Variants in MRGPRE observed in about 807,000 individuals in gnomAD.
MRGPRE encodes MAS related GPR family member E.
For synonymous variants in MRGPRE, 229 were observed against 206.7 expected (o/e 1.11, Z -0.92); for missense variants, 466 against 433.4 (o/e 1.08, Z -0.67).
At position 3,227,379 on chromosome 11, in the gene MRGPRE, C is replaced by A. The variant is rs141151609; in HGVS notation, c.*482G>T. Among the ~76,000 whole-genome samples, 192 of 152,260 alleles carry A rather than the reference C, an allele frequency of 1.3e-3. No homozygotes were observed. Among genetic ancestry groups the A allele is most frequent in the African/African-American group, 4.4e-3 (184 of 41,558 alleles). On this transcript the variant is annotated 3_prime_UTR_variant, in exon 2 of 2. Transcript: ENST00000389832. ...GTCAATTTAGCTTCCACAGCGGGCACAAGGCGAGCTGAGGGGATGGTTGTG... is the reference window on the plus strand; with the variant it reads ...GTCAATTTAGCTTCCACAGCGGGCAAAAGGCGAGCTGAGGGGATGGTTGTG...
rs977627310 is a variant in MRGPRE at position 3,225,555 on chromosome 11, T to TGGGCAG, written c.*2300_*2305dup. On this transcript the variant is annotated 3_prime_UTR_variant, in exon 2 of 2. Coordinates refer to ENST00000389832, the MANE Select transcript of MRGPRE (RefSeq NM_001039165.4). The stretch of plus-strand genomic sequence containing the variant: ...GGGGGAGGTCAGAGGAGGCGCAGGC[T>TGGGCAG]GGGCAGGGGCAGGTGGGAGCCTGGA... 2.0e-5 allele frequency among the ~76,000 whole-genome samples: 3 copies of TGGGCAG among 152,216 alleles called. 1 individual carries two copies. The highest frequency in any genetic ancestry group is 4.1e-4 in the South Asian group (2 of 4,828).
rs778116497 is a variant in MRGPRE at position 3,228,846 on chromosome 11, T to C, written c.-47A>G. The stretch of plus-strand genomic sequence containing the variant: ...CTGCAGGAGTGTGTTCTGCTCGCTC[T>C]CTCTCCTGATGCCCCTGTAAACCAC... On this transcript the variant is annotated 5_prime_UTR_variant, in exon 2 of 2. Coordinates refer to ENST00000389832, the MANE Select transcript of MRGPRE (RefSeq NM_001039165.4). 6.9e-7 allele frequency: 1 copy of C among 1,457,122 alleles called. No homozygotes were observed. Among genetic ancestry groups the C allele is most frequent in the Non-Finnish European group, 9.4e-7 (1 of 1,069,350 alleles). The allele number at this position is 1,457,122 out of a possible 1,614,324, so 90.3% of individuals were successfully genotyped here. A position where few individuals can be genotyped will look rare whatever the true frequency, so the allele number is the denominator to read the frequency against.
Position 3,230,310 on chromosome 11 carries a change from G to T in MRGPRE, c.-61-1450C>A, listed in dbSNP as rs1847815533. ...GGCTGGTCCTCCTGTGTCCTGGGAG[G>T]GCTGGGGTTTGGGGTGAGGAGGGTG... On this transcript the variant is annotated intron_variant, in intron 1 of 1. Transcript: ENST00000389832. This position sits in a 1 kb window ranked among gnomAD's most constrained non-coding sequence, Gnocchi z 5.5. Among the ~76,000 whole-genome samples the T allele has an allele frequency of 6.6e-6, 1 of 152,004 alleles. No individual in the cohort carries two copies. Among genetic ancestry groups the T allele is most frequent in the Non-Finnish European group, 1.5e-5 (1 of 67,988 alleles).
rs939487988 is a variant in MRGPRE, at chr11:3,231,423, G to A, written c.-62+718C>T. Among the ~76,000 whole-genome samples the A allele has an allele frequency of 6.6e-6, 1 of 151,936 alleles. No homozygotes were observed. Among genetic ancestry groups the A allele is most frequent in the Non-Finnish European group, 1.5e-5 (1 of 67,964 alleles). On this transcript the variant is annotated intron_variant, in intron 1 of 1. Coordinates refer to ENST00000389832, the MANE Select transcript of MRGPRE (RefSeq NM_001039165.4). This position sits in a 1 kb window ranked among gnomAD's most constrained non-coding sequence, Gnocchi z 4.7. The stretch of plus-strand genomic sequence containing the variant: ...TGACCCTGGAGGAGGTCTCCCTGTG[G>A]GACCATGTGCCCCACTGGGGGCTCG...
At position 3,226,724 on chromosome 11, in the gene MRGPRE, A is replaced by T. The variant is rs1847765143; in HGVS notation, c.*1137T>A. Reference sequence around the variant, plus strand: ...GCCTTGGTCTGTGGCTAAGAATTGCACTGTGGACTTGGATGTGTGGCGTTG... The same window carrying T: ...GCCTTGGTCTGTGGCTAAGAATTGCTCTGTGGACTTGGATGTGTGGCGTTG... On this transcript the variant is annotated 3_prime_UTR_variant, in exon 2 of 2. Coordinates refer to ENST00000389832, the MANE Select transcript of MRGPRE (RefSeq NM_001039165.4). Among the ~76,000 whole-genome samples, 1 of 152,192 alleles carries T rather than the reference A, an allele frequency of 6.6e-6. No homozygotes were observed. Among genetic ancestry groups the T allele is most frequent in the African/African-American group, 2.4e-5 (1 of 41,440 alleles).
At position 3,227,756 on chromosome 11, in the gene MRGPRE, A is replaced by G; in HGVS notation, c.*105T>C. 3 of 906,956 alleles carry G rather than the reference A, an allele frequency of 3.3e-6. No homozygotes were observed. Among genetic ancestry groups the G allele is most frequent in the Non-Finnish European group, 4.7e-6 (3 of 632,190 alleles). 56.2% of individuals were successfully genotyped at this position (906,956 alleles called of 1,614,324 possible). On this transcript the variant is annotated 3_prime_UTR_variant, in exon 2 of 2. Transcript: ENST00000389832. ...CAGCACATGACCGGGTCACCCACCA[A>G]GGCCTCCTCCAGGTCCGGCTGGCCC...
In MRGPRE at chr11:3,228,527, G is replaced by A. The variant is rs767285183; in HGVS notation, c.273C>T (p.Phe91=). Residue 91 remains phenylalanine (F), a synonymous_variant, in exon 2 of 2, where the codon TTC becomes TTT. Coordinates refer to ENST00000389832, the MANE Select transcript of MRGPRE (RefSeq NM_001039165.4). ...CCAGGCTGGTCTGCACGAAGCCCGG[G>A]AAGTCCAGCCGGCCTTGCAGCAAGT... is the stretch of plus-strand genomic sequence containing the variant. ...VPDLLQGRLD[F]PGFVQTSLAT... 29 of 1,613,762 alleles carry A rather than the reference G, an allele frequency of 1.8e-5. No homozygotes were observed. Among genetic ancestry groups the A allele is most frequent in the Non-Finnish European group, 2.2e-5 (26 of 1,179,992 alleles).
chr11:3,227,847 G>T lies in MRGPRE; in HGVS notation c.*14C>A. 7.0e-7 allele frequency: 1 copy of T among 1,428,606 alleles called. No individual in the cohort carries two copies. 88.5% of individuals were successfully genotyped at this position (1,428,606 alleles called of 1,614,324 possible). ...CCTCACGGGGGCTGCAGCTGGGGTCGGGGGCCCCAGGGCTCAGGCTGCTAT... is the reference window on the plus strand; with the variant it reads ...CCTCACGGGGGCTGCAGCTGGGGTCTGGGGCCCCAGGGCTCAGGCTGCTAT... On this transcript the variant is annotated 3_prime_UTR_variant, in exon 2 of 2. Coordinates refer to ENST00000389832, the MANE Select transcript of MRGPRE (RefSeq NM_001039165.4).
At position 3,227,996 on chromosome 11, in the gene MRGPRE, G is replaced by T; in HGVS notation, c.804C>A (p.Val268=). ...AAVHCAAKPV[V]YFCLGSAQGR... ...CCTGGGCACTGCCCAGGCAGAAGTA[G>T]ACGACGGGCTTGGCCGCGCAGTGCA... Residue 268 remains valine (V), a synonymous_variant, in exon 2 of 2, where the codon GTC becomes GTA. Coordinates refer to ENST00000389832, the MANE Select transcript of MRGPRE (RefSeq NM_001039165.4). 1 of 1,602,394 alleles carries T rather than the reference G, an allele frequency of 6.2e-7. No homozygotes were observed. Among genetic ancestry groups the T allele is most frequent in the Non-Finnish European group, 8.5e-7 (1 of 1,173,574 alleles).
rs567624530 is a variant in MRGPRE, at chr11:3,230,447, C to G, written c.-61-1587G>C. Among the ~76,000 whole-genome samples, 6 of 152,284 alleles carry G rather than the reference C, an allele frequency of 3.9e-5. No homozygotes were observed. The highest frequency in any genetic ancestry group is 1.4e-4 in the African/African-American group (6 of 41,562). On this transcript the variant is annotated intron_variant, in intron 1 of 1. Transcript: ENST00000389832. The surrounding 1 kb of genome is among the most constrained non-coding windows in gnomAD (Gnocchi z 5.5). ...AGTGATAGGAGCACCCGAGACCATG[C>G]AGGGGGACGCTGCGGTGCTGGGATG... is the stretch of plus-strand genomic sequence containing the variant.
rs576534166 is a variant in MRGPRE, at chr11:3,227,827, C to T, written c.*34G>A. ...TTCCCCAAGTCACCCTCTTGCCTCACGGGGGCTGCAGCTGGGGTCGGGGGC... is the reference window on the plus strand; with the variant it reads ...TTCCCCAAGTCACCCTCTTGCCTCATGGGGGCTGCAGCTGGGGTCGGGGGC... On this transcript the variant is annotated 3_prime_UTR_variant, in exon 2 of 2. Coordinates refer to ENST00000389832, the MANE Select transcript of MRGPRE (RefSeq NM_001039165.4). The T allele has an allele frequency of 5.3e-5, 75 of 1,421,282 alleles. No homozygotes were observed. The highest frequency in any genetic ancestry group is 6.1e-5 in the South Asian group (4 of 65,530). The allele number at this position is 1,421,282 out of a possible 1,614,324, so 88.0% of individuals were successfully genotyped here.
At position 3,228,420 on chromosome 11, in the gene MRGPRE, A is replaced by G. The variant is rs1847790042; in HGVS notation, c.380T>C (p.Phe127Ser). ...GCGGCGGCACGAGTACCAGGCTGGG[A>G]AGAGGGCGGCCAGGCACTGCTCCAC... is the stretch of plus-strand genomic sequence containing the variant. ...VSVEQCLAAL[F>S]PAWYSCRRPR... Residue 127 changes from phenylalanine to serine, a missense_variant, in exon 2 of 2, where the codon TTC becomes TCC. By Grantham distance (155) the Phe-to-Ser change is radical. Transcript: ENST00000389832. 1 of 1,608,500 alleles carries G rather than the reference A, an allele frequency of 6.2e-7. No homozygotes were observed. Among genetic ancestry groups the G allele is most frequent in the African/African-American group, 1.3e-5 (1 of 74,894 alleles).
chr11:3,227,967 C>A lies in MRGPRE; in HGVS notation c.833G>T (p.Arg278Leu), dbSNP rs767585645. ...GAGGACCAGCCGGAGGGGCAGCCTG[C>A]GGCCCTGGGCACTGCCCAGGCAGAA... ...VYFCLGSAQG[R>L]RLPLRLVLQR... The change falls in exon 2 of 2, where the codon CGC becomes CTC. Residue 278 changes from arginine to leucine, a missense_variant. Transcript: ENST00000389832. 3 of 1,576,084 alleles carry A rather than the reference C, an allele frequency of 1.9e-6. No individual in the cohort carries two copies. Among genetic ancestry groups the A allele is most frequent in the Non-Finnish European group, 8.6e-7 (1 of 1,158,482 alleles).
rs761939809 is a variant in MRGPRE at position 3,227,882 on chromosome 11, G to A, written c.918C>T (p.Gly306=). Residue 306 remains glycine, a synonymous_variant, in exon 2 of 2, where the codon GGC becomes GGT. Coordinates refer to ENST00000389832, the MANE Select transcript of MRGPRE (RefSeq NM_001039165.4). ...LGAVRETSRR[G]LVDIAA ...GGGCTCAGGCTGCTATGTCCACCAG[G>A]CCCCGGCGGGAGGTCTCCCTGACGG... 2.0e-5 allele frequency: 29 copies of A among 1,457,602 alleles called. No individual in the cohort carries two copies. The highest frequency in any genetic ancestry group is 2.6e-5 in the Non-Finnish European group (29 of 1,103,062). The allele number at this position is 1,457,602 out of a possible 1,614,324, so 90.3% of individuals were successfully genotyped here. A position where few individuals can be genotyped will look rare whatever the true frequency, so the allele number is the denominator to read the frequency against.
chr11:3,227,763 C>A lies in MRGPRE; in HGVS notation c.*98G>T. The A allele has an allele frequency of 9.8e-7, 1 of 1,019,106 alleles. No individual in the cohort carries two copies. The highest frequency in any genetic ancestry group is 2.0e-5 in the South Asian group (1 of 49,198). 63.1% of individuals were successfully genotyped at this position (1,019,106 alleles called of 1,614,324 possible). On this transcript the variant is annotated 3_prime_UTR_variant, in exon 2 of 2. Transcript: ENST00000389832. ...TGACCGGGTCACCCACCAAGGCCTC[C>A]TCCAGGTCCGGCTGGCCCCAGCCTC...
At position 3,227,646 on chromosome 11, in the gene MRGPRE, C is replaced by T. The variant is rs35035870; in HGVS notation, c.*215G>A. 17,298 of 439,088 alleles carry T rather than the reference C, an allele frequency of 0.039. 436 individuals are homozygous for T. The highest frequency in any genetic ancestry group is 0.061 in the Middle Eastern group (104 of 1,708). 27.2% of individuals were successfully genotyped at this position (439,088 alleles called of 1,614,324 possible). ...CGGCCTTCTCCCCAGAGACCCGGCC[C>T]GCCTGCCTGGGCATGTAGAGACCTT... On this transcript the variant is annotated 3_prime_UTR_variant, in exon 2 of 2. Transcript: ENST00000389832.
intron 1 of MRGPRE, 84 bp from the exon 2 acceptor site, chr11:3,228,944 G>A (rs1847798702): frequency 3.1e-6 from 2 of 655,644 alleles, no homozygotes; most frequent in Admixed American, 3.0e-5. Flanking sequence ...AGAGTTGGGT[G>A]GGTGACCAAG....
rs540045639 is a variant in MRGPRE, at chr11:3,225,393, C to G, written c.*2468G>C. ...TGGATGGGGTGGGCTGGGCACTGAC[C>G]GAGGAGCTTTGCCTGCGACCCAGGT... is the stretch of plus-strand genomic sequence containing the variant. On this transcript the variant is annotated 3_prime_UTR_variant, in exon 2 of 2. Coordinates refer to ENST00000389832, the MANE Select transcript of MRGPRE (RefSeq NM_001039165.4). Among the ~76,000 whole-genome samples the G allele has an allele frequency of 6.6e-6, 1 of 152,330 alleles. No individual in the cohort carries two copies. The highest frequency in any genetic ancestry group is 2.1e-4 in the South Asian group (1 of 4,820).
rs372568427 is a variant in MRGPRE at position 3,228,769 on chromosome 11, C to T, written c.31G>A (p.Val11Met). 38 of 1,610,718 alleles carry T rather than the reference C, an allele frequency of 2.4e-5. No individual in the cohort carries two copies. The highest frequency in any genetic ancestry group is 3.3e-4 in the Middle Eastern group (2 of 6,070). Residue 11 changes from valine to methionine, a missense_variant, in exon 2 of 2, where the codon GTG (valine) becomes ATG (methionine). Transcript: ENST00000389832. MMEPREAGQH[V>M]GAANGAQEDV... ...TCCTGGGCGCCGTTGGCGGCCCCCA[C>T]GTGCTGTCCAGCTTCTCTGGGCTCC...
Sources: gnomAD v4.1 joint callset for allele counts (sites outside exome capture counted in the v4.1 genomes callset) on GRCh38, gnomAD v4.1.1 for gene constraint, Gnocchi (gnomAD v3.1) non-coding constraint, MANE v1.5 for transcripts, NCBI Gene and HGNC (gene_info 2026-07-23, HGNC 2026-07-21) for gene names.